SNX9: variants seen among roughly 807,000 people sequenced by gnomAD.
SNX9 encodes sorting nexin-9.
SNX9 carries 44 observed loss-of-function variants against 89.4 expected under a neutral mutation model. The ratio of observed to expected loss-of-function variants is 0.49; its 90% CI spans 0.39 to 0.63. SNX9 has a LOEUF of 0.63. SNX9 is among the 30% of genes least tolerant of loss of function. The pLI is 0.00. For missense variants in SNX9, 578 were observed against 736.1 expected, an observed-to-expected ratio of 0.79 and a Z score of 2.49; for synonymous variants, 236 against 247.8, an observed-to-expected ratio of 0.95 and a Z score of 0.45.
Position 157,942,990 on chromosome 6 carries a change from C to A in SNX9, c.*152C>A. 1 of 645,024 alleles carries A rather than the reference C, an allele frequency of 1.6e-6. No homozygotes were observed. The highest frequency in any genetic ancestry group is 2.6e-6 in the Non-Finnish European group (1 of 390,752). 40.0% of individuals were successfully genotyped at this position (645,024 alleles called of 1,614,324 possible). On this transcript the variant is annotated 3_prime_UTR_variant, in exon 18 of 18. Coordinates refer to ENST00000392185, the MANE Select transcript of SNX9 (RefSeq NM_016224.5). ...AAACTGCATTTATTTTATTAGCCAC[C>A]CTAAATGCGTCAGTTATTTAGGGAT... is the stretch of plus-strand genomic sequence containing the variant.
At chr6:157,893,316 C>T (rs1488214675) in intron 4 of SNX9, among the ~76,000 whole-genome samples, 1 of 152,178 alleles carries the variant, frequency 6.6e-6, no homozygotes, top group Non-Finnish European at 1.5e-5. Flanking sequence ...GTGGATGAAA[C>T]ATCTTTCTCC....
rs749825009 is a variant in SNX9 at position 157,896,901 on chromosome 6, G to A, written c.375G>A (p.Trp125Ter). 2 of 1,613,576 alleles carry A rather than the reference G, an allele frequency of 1.2e-6. No individual in the cohort carries two copies. Residue 125 changes from tryptophan (W) to a stop codon, truncating the protein, a stop_gained, in exon 5 of 18, where the codon TGG becomes TGA. Transcript: ENST00000392185. LOFTEE classifies it high-confidence loss of function. ...KSGNWESSEG[W>*]GAQPEGAGAQ... ...GGAACTGGGAAAGCTCAGAAGGCTG[G>A]GGGGCCCAGCCAGAGGGGGCTGGAG... is the stretch of plus-strand genomic sequence containing the variant.
chr6:157,886,803 T>A (rs1782746215), intron 4 of SNX9, among the ~76,000 whole-genome samples: 1 of 152,224 alleles, frequency 6.6e-6, no homozygotes, highest in Non-Finnish European at 1.5e-5. Flanking sequence ...AAAGCATTCC[T>A]GTCTTTTTTT....
intron 12 of SNX9, among the ~76,000 whole-genome samples, chr6:157,930,117 T>G (rs1418624024): frequency 1.3e-5 from 2 of 152,220 alleles, no homozygotes; most frequent in Non-Finnish European, 2.9e-5. Context: ...GGCCCTGCCT[T>G]ACCTCAACCA....
At chr6:157,875,595 A>G (rs1372102546) in intron 4 of SNX9, among the ~76,000 whole-genome samples, 1 of 152,176 alleles carries the variant, frequency 6.6e-6, no homozygotes, top group Non-Finnish European at 1.5e-5. Flanking sequence ...TCTCAGAGCT[A>G]GAGGCCCTCA....
chr6:157,860,824 C>T (rs891275501), intron 1 of SNX9, among the ~76,000 whole-genome samples: 5 of 152,192 alleles, frequency 3.3e-5, no homozygotes, highest in Non-Finnish European at 4.4e-5. Flanking sequence ...TTTAAGTACT[C>T]AGAACTCTGC....
chr6:157,913,775 G>A (rs534495761), intron 9 of SNX9, among the ~76,000 whole-genome samples: 1 of 152,278 alleles, frequency 6.6e-6, no homozygotes, highest in African/African-American at 2.4e-5. Context: ...GAGTCTGACT[G>A]CTTTCATTTA....
At chr6:157,915,822 C>T (rs370237870) in intron 9 of SNX9, among the ~76,000 whole-genome samples, 1 of 89,378 alleles carries the variant, frequency 1.1e-5, no homozygotes, top group South Asian at 4.1e-4. Context: ...TAGACTCTGT[C>T]AAAAAAAAAA....
chr6:157,869,991 C>T (rs773088958), intron 2 of SNX9, among the ~76,000 whole-genome samples: 3 of 151,988 alleles, frequency 2.0e-5, no homozygotes, highest in Admixed American at 6.5e-5. Flanking sequence ...TACCTTCTCA[C>T]TCTCACCTCT....
chr6:157,923,172 G>A (rs1783617891), intron 10 of SNX9, among the ~76,000 whole-genome samples: 1 of 152,190 alleles, frequency 6.6e-6, no homozygotes, highest in Non-Finnish European at 1.5e-5. Flanking sequence ...TCTGGTCTTA[G>A]TGCCACTTCT....
At chr6:157,861,711 A>G (rs1046490993) in intron 1 of SNX9, among the ~76,000 whole-genome samples, 2 of 152,210 alleles carry the variant, frequency 1.3e-5, no homozygotes, top group African/African-American at 4.8e-5. Context: ...CCTGCAACCA[A>G]GGATAATACC....
intron 9 of SNX9, among the ~76,000 whole-genome samples, chr6:157,916,904 G>A (rs993957561): frequency 3.3e-5 from 5 of 152,118 alleles, no homozygotes; most frequent in Non-Finnish European, 5.9e-5. Flanking sequence ...TTAGTATCAG[G>A]GCAATGCTAG....
At chr6:157,845,194 CA>C (rs1435735872) in intron 1 of SNX9, among the ~76,000 whole-genome samples, 2 of 151,608 alleles carry the variant, frequency 1.3e-5, no homozygotes, top group African/African-American at 4.9e-5. Context: ...CTGCAACCTC[CA>C]CCTCCTGGGT....
Position 157,902,046 on chromosome 6 carries a change from G to GT in SNX9, c.620+2dup. The GT allele has an allele frequency of 6.2e-7, 1 of 1,613,238 alleles. No individual in the cohort carries two copies. Among genetic ancestry groups the GT allele is most frequent in the Non-Finnish European group, 8.5e-7 (1 of 1,179,676 alleles). Reference sequence around the variant, plus strand: ...CATCCATGAAAATTCCCCTTAACAAGTAAGTTTAAAGGGGAGCCAGGGAAC... The same window carrying GT: ...CATCCATGAAAATTCCCCTTAACAAGTTAAGTTTAAAGGGGAGCCAGGGAAC... On this transcript the variant is annotated splice_donor_variant, in intron 6 of 17. Transcript: ENST00000392185. LOFTEE classifies it high-confidence loss of function.
intron 1 of SNX9, among the ~76,000 whole-genome samples, chr6:157,824,650 C>T (rs952146434): frequency 6.6e-6 from 1 of 152,122 alleles, no homozygotes; most frequent in Non-Finnish European, 1.5e-5. Context: ...AAATTTTGTG[C>T]TCTGAATCCA....
At chr6:157,836,476 A>T (rs1781585442) in intron 1 of SNX9, among the ~76,000 whole-genome samples, 1 of 152,200 alleles carries the variant, frequency 6.6e-6, no homozygotes, top group South Asian at 2.1e-4. Context: ...AATTAATGGT[A>T]GAGCTGTGGT....
intron 5 of SNX9, among the ~76,000 whole-genome samples, 179 bp downstream of exon 5, chr6:157,897,177 G>C (rs1251477491): frequency 6.9e-6 from 1 of 145,318 alleles, no homozygotes; most frequent in South Asian, 2.2e-4. Flanking sequence ...GACACCAGCT[G>C]AGTGTCCTAC....
At chr6:157,935,939 CA>C (rs779515174) in intron 13 of SNX9, 24 bp from the exon 14 acceptor site, 2 of 1,551,528 alleles carry the variant, frequency 1.3e-6, no homozygotes, top group Admixed American at 3.6e-5. Context: ...AACTTATAAC[CA>C]CTGATAAAAT....
At chr6:157,916,373 A>G (rs1783472482) in intron 9 of SNX9, among the ~76,000 whole-genome samples, 1 of 152,052 alleles carries the variant, frequency 6.6e-6, no homozygotes, top group African/African-American at 2.4e-5. Flanking sequence ...GTCAGCTTGG[A>G]ATAGAGAGTT....
Sources: gnomAD v4.1 joint callset for allele counts (sites outside exome capture counted in the v4.1 genomes callset) on GRCh38, gnomAD v4.1.1 for gene constraint, MANE v1.5 for transcripts, NCBI Gene and HGNC (gene_info 2026-07-23, HGNC 2026-07-21) for gene names.